SLC4A4: variants seen among roughly 807,000 people sequenced by gnomAD.
SLC4A4 encodes electrogenic sodium bicarbonate cotransporter 1.
In SLC4A4, 27 loss-of-function variants were observed where a neutral mutation model predicts 111.5. The ratio of observed to expected loss-of-function variants is 0.24; its 90% confidence interval spans 0.18 to 0.33. The LOEUF (loss-of-function observed/expected upper bound fraction) is 0.33, where lower values mean the gene tolerates loss of function less well. Ranked by LOEUF, SLC4A4 falls within the 10% of genes least tolerant of loss-of-function variation. SLC4A4 has a pLI of 1.00. For synonymous variants in SLC4A4, 443 were observed against 463.4 expected, an observed-to-expected ratio of 0.96 and a Z score of 0.57; for missense variants, 909 against 1,315.5, an observed-to-expected ratio of 0.69 and a Z score of 4.78.
At chr4:71,391,211 T>C (rs530777555) in intron 6 of SLC4A4, among the ~76,000 whole-genome samples, 3 of 152,208 alleles carry the variant, frequency 2.0e-5, no homozygotes, top group East Asian at 3.9e-4. Flanking sequence ...GTCTATTACA[T>C]GTAAGTTATC....
chr4:71,471,913 A>G (rs1727906592), intron 13 of SLC4A4, among the ~76,000 whole-genome samples: 2 of 151,920 alleles, frequency 1.3e-5, no homozygotes. Flanking sequence ...AGAATATCAG[A>G]TCTGTGAGCA....
intron 3 of SLC4A4, among the ~76,000 whole-genome samples, chr4:71,263,731 A>G (rs1371569341): frequency 2.0e-5 from 3 of 152,230 alleles, no homozygotes; most frequent in African/African-American, 7.2e-5. Flanking sequence ...AATTTGCAAT[A>G]ACTAATTTGT....
intron 18 of SLC4A4, among the ~76,000 whole-genome samples, chr4:71,539,696 C>G (rs1734870939): frequency 6.6e-6 from 1 of 152,128 alleles, no homozygotes; most frequent in African/African-American, 2.4e-5. Flanking sequence ...TGGCACAGAT[C>G]ACATATTTCT....
intron 1 of SLC4A4, among the ~76,000 whole-genome samples, chr4:71,222,186 T>A (rs1193878676): frequency 6.6e-6 from 1 of 152,156 alleles, no homozygotes; most frequent in Non-Finnish European, 1.5e-5. Context: ...TTCACCTCTC[T>A]GATTTTATCT....
intron 8 of SLC4A4, among the ~76,000 whole-genome samples, chr4:71,441,571 T>C (rs1724718071): frequency 6.6e-6 from 1 of 152,068 alleles, no homozygotes; most frequent in Non-Finnish European, 1.5e-5. Flanking sequence ...ACAGGTTCCT[T>C]TAGGTTTCCT....
intron 1 of SLC4A4, among the ~76,000 whole-genome samples, chr4:71,089,860 G>C (rs576317342): frequency 6.6e-6 from 1 of 150,742 alleles, no homozygotes; most frequent in Non-Finnish European, 1.5e-5. Context: ...CACTTGAGGA[G>C]GCAGTTTGTC....
In SLC4A4 at chr4:71,306,514, C is replaced by A. The variant is rs1329465007; in HGVS notation, c.254-32856C>A. On this transcript the variant is annotated intron_variant, in intron 3 of 25. Transcript: ENST00000264485. ...AGGATAATTGCTTGAACCCAGGAGG[C>A]GGGGGTTGCAGTGAGCTGAGATTGC... 2.0e-5 allele frequency among the ~76,000 whole-genome samples: 3 copies of A among 151,924 alleles called. No homozygotes were observed. In the East Asian group the frequency reaches 5.8e-4, roughly 29 times the overall value.
At chr4:71,190,145 G>A (rs1745660656) in intron 1 of SLC4A4, among the ~76,000 whole-genome samples, 1 of 152,140 alleles carries the variant, frequency 6.6e-6, no homozygotes, top group African/African-American at 2.4e-5. Flanking sequence ...CATAATGTAG[G>A]AATCTTAGAG....
At chr4:71,240,828 G>C (rs914970511) in intron 2 of SLC4A4, among the ~76,000 whole-genome samples, 1 of 152,042 alleles carries the variant, frequency 6.6e-6, no homozygotes, top group Admixed American at 6.6e-5. Flanking sequence ...TTAGAAATTT[G>C]GTTCTCAAAG....
intron 3 of SLC4A4, chr4:71,300,634 G>T (rs1725172335): frequency 2.8e-6 from 1 of 355,338 alleles, no homozygotes; most frequent in South Asian, 2.9e-5. Context: ...ATGCAGTGAC[G>T]ACAGGCTTGA....
chr4:71,489,692 G>C (rs558204621), intron 15 of SLC4A4, among the ~76,000 whole-genome samples: 13 of 151,708 alleles, frequency 8.6e-5, no homozygotes, highest in Non-Finnish European at 1.5e-4. Context: ...TATGCTAGCC[G>C]GCTCTCCTAT....
chr4:71,257,201 CT>C (rs1184468991), intron 3 of SLC4A4, among the ~76,000 whole-genome samples: 5 of 152,172 alleles, frequency 3.3e-5, no homozygotes, highest in Non-Finnish European at 4.4e-5. Flanking sequence ...AATCCATTCT[CT>C]TTCCCCTCAG....
intron 7 of SLC4A4, among the ~76,000 whole-genome samples, chr4:71,422,797 C>T (rs1302869039): frequency 6.6e-6 from 1 of 152,136 alleles, no homozygotes; most frequent in African/African-American, 2.4e-5. Flanking sequence ...ACCCTTCATG[C>T]TGAAAACTCT....
chr4:71,504,438 C>CTAAA (rs890819238), intron 16 of SLC4A4, among the ~76,000 whole-genome samples: 9 of 151,836 alleles, frequency 5.9e-5, no homozygotes, highest in African/African-American at 1.9e-4. Flanking sequence ...ATTTCTTTCA[C>CTAAA]TAAATTCTTC....
chr4:71,232,078 C>T (rs192347119), intron 1 of SLC4A4, among the ~76,000 whole-genome samples: 7 of 152,278 alleles, frequency 4.6e-5, no homozygotes, highest in Admixed American at 1.3e-4. Flanking sequence ...AGAAAGGCTG[C>T]TGTGGGTGTA....
At chr4:71,401,943 G>C (rs1720401943) in intron 7 of SLC4A4, among the ~76,000 whole-genome samples, 1 of 152,160 alleles carries the variant, frequency 6.6e-6, no homozygotes, top group Non-Finnish European at 1.5e-5. Flanking sequence ...TATTATTTCT[G>C]TGATATTCAT....
At chr4:71,270,323 C>T (rs1722612843) in intron 3 of SLC4A4, among the ~76,000 whole-genome samples, 1 of 152,140 alleles carries the variant, frequency 6.6e-6, no homozygotes, top group Non-Finnish European at 1.5e-5. Flanking sequence ...CTCCTGACCT[C>T]AGGTGATCCG....
intron 6 of SLC4A4, among the ~76,000 whole-genome samples, chr4:71,390,807 G>A (rs1361474331): frequency 1.3e-5 from 2 of 152,032 alleles, no homozygotes; most frequent in East Asian, 3.9e-4. Context: ...CAGTGAGATT[G>A]GCATTATGAG....
chr4:71,348,615 A>T (rs192535416), intron 4 of SLC4A4, among the ~76,000 whole-genome samples: 129 of 152,314 alleles, frequency 8.5e-4, no homozygotes, highest in Admixed American at 2.4e-3. Context: ...TGAGAGGCAC[A>T]TGGAGGGGAA....
Sources: gnomAD v4.1 joint callset for allele counts (sites outside exome capture counted in the v4.1 genomes callset) on GRCh38, gnomAD v4.1.1 for gene constraint, MANE v1.5 for transcripts, NCBI Gene and HGNC (gene_info 2026-07-23, HGNC 2026-07-21) for gene names.